CAPN5: variants seen among roughly 807,000 people sequenced by gnomAD.
The protein encoded by CAPN5 is calpain-5.
A neutral mutation model predicts 73.0 loss-of-function variants in CAPN5; 54 were observed. The observed-to-expected ratio is 0.74, with a 90% confidence interval of 0.59 to 0.93. CAPN5 has a LOEUF of 0.93. CAPN5 is among the 40% of genes least tolerant of loss of function. The pLI is 0.00. For missense variants in CAPN5, 785 were observed against 882.9 expected, an observed-to-expected ratio of 0.89 and a Z score of 1.41; for synonymous variants, 335 against 356.9, an observed-to-expected ratio of 0.94 and a Z score of 0.69.
intron 3 of CAPN5, among the ~76,000 whole-genome samples, chr11:77,112,351 C>T (rs2135474089): frequency 1.3e-5 from 2 of 152,184 alleles, no homozygotes; most frequent in Middle Eastern, 3.4e-3. Context: ...CTCACACACT[C>T]TGAGAACAAC....
intron 3 of CAPN5, among the ~76,000 whole-genome samples, chr11:77,099,171 T>TCA (rs1165678507): frequency 2.8e-3 from 163 of 58,366 alleles, no homozygotes; most frequent in African/African-American, 0.012. Flanking sequence ...CTAGATGTGA[T>TCA]GGCGGCTGGG....
chr11:77,098,932 A>T (rs1950250036), intron 3 of CAPN5, among the ~76,000 whole-genome samples: 1 of 91,592 alleles, frequency 1.1e-5, no homozygotes, highest in Non-Finnish European at 2.1e-5. Flanking sequence ...CACTTCTCAG[A>T]CGGGGCGGCT....
intron 3 of CAPN5, among the ~76,000 whole-genome samples, chr11:77,106,748 G>C (rs1378660668): frequency 1.3e-5 from 2 of 152,226 alleles, no homozygotes; most frequent in African/African-American, 4.8e-5. Context: ...TCCTCTCTCA[G>C]TTATCCGTGG....
intron 3 of CAPN5, chr11:77,102,837 G>A: frequency 6.3e-7 from 1 of 1,576,190 alleles, no homozygotes; most frequent in East Asian, 2.3e-5. Flanking sequence ...CAGCACTTGG[G>A]CCATGGCGGA....
At position 77,102,898 on chromosome 11, in the gene CAPN5, G is replaced by C. The variant is rs782587703; in HGVS notation, c.297+9085G>C. 9 of 1,612,438 alleles carry C rather than the reference G, an allele frequency of 5.6e-6. No individual in the cohort carries two copies. In the South Asian group the frequency reaches 9.9e-5, roughly 18 times the overall value. ...GACATGCCGCTGGTCCTGGACCAGG[G>C]CCTGACCAGGCAGATGCGGCTACGC... is the stretch of plus-strand genomic sequence containing the variant. On this transcript the variant is annotated intron_variant, in intron 3 of 12. Transcript: ENST00000648180.
chr11:77,084,976 C>T lies in CAPN5; in HGVS notation c.90C>T (p.Pro30=), dbSNP rs34236021. ...CRRRKVLFED[P]LFPATDDSLY... ...GCAGGAAGGTGCTCTTCGAGGACCCCCTCTTCCCCGCCACTGACGACTCAC... is the reference window on the plus strand; with the variant it reads ...GCAGGAAGGTGCTCTTCGAGGACCCTCTCTTCCCCGCCACTGACGACTCAC... Residue 30 remains proline, a synonymous_variant, in exon 2 of 13, where the codon CCC becomes CCT. Transcript: ENST00000648180. 2.0e-4 allele frequency: 318 copies of T among 1,613,632 alleles called. No homozygotes were observed. Among genetic ancestry groups the T allele is most frequent in the Middle Eastern group, 1.5e-3 (9 of 6,062 alleles).
chr11:77,111,954 G>C (rs114635626), intron 3 of CAPN5, among the ~76,000 whole-genome samples: 2,505 of 152,162 alleles, frequency 0.016, 76 homozygotes, highest in African/African-American at 0.058. Context: ...GGGCTGCTGT[G>C]GGGGAGGCAG....
intron 1 of CAPN5, among the ~76,000 whole-genome samples, chr11:77,077,356 C>CA (rs1284144716): frequency 2.8e-4 from 42 of 149,208 alleles, no homozygotes; most frequent in African/African-American, 6.4e-4. Flanking sequence ...GACTCTGTAT[C>CA]AAAAAAAAAG....
intron 3 of CAPN5, among the ~76,000 whole-genome samples, chr11:77,098,478 A>G (rs1197398010): frequency 1.0e-5 from 1 of 98,650 alleles, no homozygotes; most frequent in Non-Finnish European, 2.0e-5. Context: ...CACCTCCCAG[A>G]CGGGGCGGCT....
intron 3 of CAPN5, among the ~76,000 whole-genome samples, chr11:77,094,369 A>T (rs1310024566): frequency 6.6e-6 from 1 of 150,770 alleles, no homozygotes; most frequent in Non-Finnish European, 1.5e-5. Flanking sequence ...CTCCTATCCC[A>T]GCACAGTTCC....
rs1209347660 is a variant in CAPN5 at position 77,125,921 on chromosome 11, C to A, written c.*2051C>A. 6.6e-6 allele frequency: 1 copy of A among 152,426 alleles called. No homozygotes were observed. Among genetic ancestry groups the A allele is most frequent in the African/African-American group, 2.4e-5 (1 of 41,448 alleles). 9.4% of individuals were successfully genotyped at this position (152,426 alleles called of 1,614,324 possible). On this transcript the variant is annotated 3_prime_UTR_variant, in exon 13 of 13. Coordinates refer to ENST00000648180, the MANE Select transcript of CAPN5 (RefSeq NM_004055.5). ...CTGGCTCCTGGCTATGCAGGGATCT[C>A]TGGTCCCCAGGAGACCTTGGGGGCC... is the stretch of plus-strand genomic sequence containing the variant.
chr11:77,109,416 C>T (rs1310373530), intron 3 of CAPN5, among the ~76,000 whole-genome samples: 23 of 152,248 alleles, frequency 1.5e-4, no homozygotes, highest in African/African-American at 5.1e-4. Flanking sequence ...TACCCACCTC[C>T]GATAGTGACT....
chr11:77,117,463 C>G (rs1950480644), intron 7 of CAPN5, among the ~76,000 whole-genome samples: 1 of 152,198 alleles, frequency 6.6e-6, no homozygotes, highest in African/African-American at 2.4e-5. Context: ...CAATGATGAA[C>G]CCTTCTGCAG....
intron 3 of CAPN5, among the ~76,000 whole-genome samples, chr11:77,094,149 A>T (rs998810171): frequency 1.3e-5 from 2 of 152,242 alleles, no homozygotes; most frequent in African/African-American, 2.4e-5. Context: ...GACACCACTG[A>T]TGGGGCTCAG....
chr11:77,103,127 A>G (rs1555039230), intron 3 of CAPN5: 1 of 1,613,756 alleles, frequency 6.2e-7, no homozygotes, highest in Non-Finnish European at 8.5e-7. Flanking sequence ...ACCTCATGAC[A>G]CGCCAGCTGC....
In CAPN5 at chr11:77,119,027, C is replaced by CAGTACAT; in HGVS notation, c.1168-2_1172dup. The CAGTACAT allele has an allele frequency of 6.2e-7, 1 of 1,611,328 alleles. No individual in the cohort carries two copies. The highest frequency in any genetic ancestry group is 8.5e-7 in the Non-Finnish European group (1 of 1,178,788). On this transcript the variant is annotated splice_polypyrimidine_tract_variant and splice_region_variant and intron_variant, in intron 8 of 12. Coordinates refer to ENST00000648180, the MANE Select transcript of CAPN5 (RefSeq NM_004055.5). Reference sequence around the variant, plus strand: ...CTCTCTCTCTCCTTGGCCACACCTGCAGTACATCTTCGAAGTCAAGAAGCC... The same window carrying CAGTACAT: ...CTCTCTCTCTCCTTGGCCACACCTGCAGTACATAGTACATCTTCGAAGTCAAGAAGCC...
At chr11:77,084,803 A>AGGGACCCAGGGACTCT in intron 1 of CAPN5, 49 bp from the exon 2 acceptor site, 1 of 1,538,116 alleles carries the variant, frequency 6.5e-7, no homozygotes, top group Non-Finnish European at 9.0e-7. Context: ...AGGGCACATC[A>AGGGACCCAGGGACTCT]GGGACCCAGG....
intron 3 of CAPN5, among the ~76,000 whole-genome samples, chr11:77,098,820 C>T (rs1437878534): frequency 3.9e-5 from 5 of 129,120 alleles, no homozygotes; most frequent in East Asian, 2.4e-4. Context: ...GCTGGCCGGG[C>T]GGGGGGCTGA....
intron 1 of CAPN5, 33 bp downstream of exon 1, chr11:77,067,127 T>G (rs1591103101): frequency 5.2e-5 from 1 of 19,308 alleles, no homozygotes; most frequent in East Asian, 6.0e-4. Context: ...CGTGTGCTTC[T>G]GTGTGTGTGT....
Sources: allele counts gnomAD v4.1 joint callset (sites outside exome capture counted in the v4.1 genomes callset), GRCh38; gene constraint gnomAD v4.1.1; transcripts MANE v1.5; gene names NCBI Gene and HGNC (gene_info 2026-07-23, HGNC 2026-07-21).